PITPNM2: variants seen among roughly 807,000 people sequenced by gnomAD.
The protein encoded by PITPNM2 is phosphatidylinositol transfer protein membrane associated 2.
A neutral mutation model predicts 132.2 loss-of-function variants in PITPNM2; 35 were observed. The ratio of observed to expected loss-of-function variants is 0.26; its 90% confidence interval spans 0.20 to 0.35. The LOEUF (loss-of-function observed/expected upper bound fraction) is 0.35. Ranked by LOEUF, PITPNM2 falls within the 10% of genes least tolerant of loss-of-function variation. The pLI is 1.00. For missense variants in PITPNM2, 1,332 were observed against 1,912.0 expected, an observed-to-expected ratio of 0.70 and a Z score of 5.66; for synonymous variants, 738 against 799.2, an observed-to-expected ratio of 0.92 and a Z score of 1.29.
chr12:122,988,701 G>T (rs761272149), intron 19 of PITPNM2, 23 bp downstream of exon 19: 1 of 1,547,494 alleles, frequency 6.5e-7, no homozygotes, highest in South Asian at 1.2e-5. Context: ...GGGCCCTCCT[G>T]GGAGGTCCCA....
At chr12:122,987,735 G>C (rs1029302852) in intron 21 of PITPNM2, 50 bp downstream of exon 21, 4 of 1,612,728 alleles carry the variant, frequency 2.5e-6, no homozygotes, top group Non-Finnish European at 3.4e-6. Flanking sequence ...GAGGGCAGCA[G>C]GGAGCTCCCC....
Position 122,983,631 on chromosome 12 carries a change from C to G in PITPNM2, c.*2396G>C, listed in dbSNP as rs1483825679. On this transcript the variant is annotated 3_prime_UTR_variant, in exon 26 of 26. Coordinates refer to ENST00000320201, the MANE Select transcript of PITPNM2 (RefSeq NM_020845.3). ...GAGAAACAGACGGCACACGGACAGA[C>G]CAGACGGGAGGGGCTGAGACGTGAA... The G allele has an allele frequency of 6.6e-6, 1 of 152,420 alleles. No homozygotes were observed. The highest frequency in any genetic ancestry group is 2.4e-5 in the African/African-American group (1 of 41,436). 9.4% of individuals were successfully genotyped at this position (152,420 alleles called of 1,614,324 possible).
Position 123,064,218 on chromosome 12 carries a change from G to A in PITPNM2, c.-95-29533C>T, listed in dbSNP as rs916828681. On this transcript the variant is annotated intron_variant, in intron 2 of 25. Coordinates refer to ENST00000320201, the MANE Select transcript of PITPNM2 (RefSeq NM_020845.3). This position sits in a 1 kb window ranked among gnomAD's most constrained non-coding sequence, Gnocchi z 4.0. ...CAACGCTGCCAGCAGGCAGACAGAC[G>A]CACTCTCCCCACTCCAAATTGGAAA... is the stretch of plus-strand genomic sequence containing the variant. 1.3e-5 allele frequency among the ~76,000 whole-genome samples: 2 copies of A among 152,196 alleles called. No homozygotes were observed. The highest frequency in any genetic ancestry group is 2.4e-5 in the African/African-American group (1 of 41,442).
At chr12:123,122,305 T>C (rs1011629187) in intron 1 of PITPNM2, among the ~76,000 whole-genome samples, 1 of 151,810 alleles carries the variant, frequency 6.6e-6, no homozygotes, top group Non-Finnish European at 1.5e-5. Flanking sequence ...CCTACTAAAA[T>C]ACAAAAATTA....
rs883263 is a variant in PITPNM2 at position 123,000,641 on chromosome 12, A to G, written c.1224+137T>C. 783,010 of 1,000,078 alleles carry G rather than the reference A, an allele frequency of 0.78. 307,244 individuals carry two copies. The highest frequency in any genetic ancestry group is 0.87 in the East Asian group (33,284 of 38,340). The allele number at this position is 1,000,078 out of a possible 1,614,324, so 62.0% of individuals were successfully genotyped here. On this transcript the variant is annotated intron_variant, in intron 10 of 25. Coordinates refer to ENST00000320201, the MANE Select transcript of PITPNM2 (RefSeq NM_020845.3). This position sits in a 1 kb window ranked among gnomAD's most constrained non-coding sequence, Gnocchi z 5.4. ...AAAAAGGAGGCCCAGGCCTCTCCCCAGACAGTACCCAGGCAGGCGTGGAGG... is the reference window on the plus strand; with the variant it reads ...AAAAAGGAGGCCCAGGCCTCTCCCCGGACAGTACCCAGGCAGGCGTGGAGG...
chr12:123,146,756 T>C (rs2043626955), intron 1 of PITPNM2, among the ~76,000 whole-genome samples: 1 of 151,916 alleles, frequency 6.6e-6, no homozygotes, highest in Non-Finnish European at 1.5e-5. Context: ...AGGAGGTCAA[T>C]GCTCCATACT....
At chr12:123,034,869 A>C (rs1392903121) in intron 2 of PITPNM2, among the ~76,000 whole-genome samples, 184 bp from the exon 3 acceptor site, 1 of 152,146 alleles carries the variant, frequency 6.6e-6, no homozygotes, top group Non-Finnish European at 1.5e-5. Flanking sequence ...TTGTTTGCTA[A>C]CAGCTACCAA....
chr12:123,132,138 T>C (rs765227267), intron 1 of PITPNM2, among the ~76,000 whole-genome samples: 7 of 152,358 alleles, frequency 4.6e-5, no homozygotes, highest in Admixed American at 3.3e-4. Flanking sequence ...GCAGTTGGCA[T>C]CTGCTCTTTG....
intron 1 of PITPNM2, among the ~76,000 whole-genome samples, chr12:123,144,855 A>G (rs1247627093): frequency 2.6e-5 from 4 of 152,210 alleles, no homozygotes; most frequent in Non-Finnish European, 5.9e-5. Flanking sequence ...ATGAGCCACC[A>G]TGCCCGATCT....
At chr12:122,989,740 C>A in intron 18 of PITPNM2, 47 bp downstream of exon 18, 1 of 1,346,698 alleles carries the variant, frequency 7.4e-7, no homozygotes, top group South Asian at 2.3e-5. Context: ...GAGGGGTGCT[C>A]AGCAGCAGAG....
intron 2 of PITPNM2, among the ~76,000 whole-genome samples, chr12:123,052,086 T>TG (rs1007324834): frequency 4.1e-5 from 6 of 147,676 alleles, no homozygotes; most frequent in African/African-American, 1.2e-4. Flanking sequence ...TGTTTTTTTT[T>TG]TTTTTTTTTT....
Position 122,985,764 on chromosome 12 carries a change from G to T in PITPNM2, c.*263C>A, listed in dbSNP as rs1441992241. On this transcript the variant is annotated 3_prime_UTR_variant, in exon 26 of 26. Transcript: ENST00000320201. ...GGCAAAATGTCTGGGAGAACCTCCC[G>T]GGCCAGTCTGAGTGGGAGGTTCTGG... 2.6e-6 allele frequency: 1 copy of T among 388,180 alleles called. No individual in the cohort carries two copies. The allele number at this position is 388,180 out of a possible 1,614,324, so 24.0% of individuals were successfully genotyped here.
At position 122,985,846 on chromosome 12, in the gene PITPNM2, C is replaced by T. The variant is rs765679014; in HGVS notation, c.*181G>A. The T allele has an allele frequency of 2.4e-5, 13 of 542,256 alleles. No individual in the cohort carries two copies. Among genetic ancestry groups the T allele is most frequent in the African/African-American group, 2.2e-4 (11 of 49,986 alleles). The allele number at this position is 542,256 out of a possible 1,614,324, so 33.6% of individuals were successfully genotyped here. A position where few individuals can be genotyped will look rare whatever the true frequency, so the allele number is the denominator to read the frequency against. ...GCCAGCTTCCATGACAAGCCGGACC[C>T]GTCAGGCCCGAGGACGTGAGGCAGG... On this transcript the variant is annotated 3_prime_UTR_variant, in exon 26 of 26. Coordinates refer to ENST00000320201, the MANE Select transcript of PITPNM2 (RefSeq NM_020845.3).
At chr12:123,146,605 T>C (rs2137716718) in intron 1 of PITPNM2, among the ~76,000 whole-genome samples, 1 of 149,462 alleles carries the variant, frequency 6.7e-6, no homozygotes, top group South Asian at 2.1e-4. Flanking sequence ...AAAATAATAA[T>C]AATTTTTAAA....
chr12:123,037,586 G>A (rs1006362285), intron 2 of PITPNM2, among the ~76,000 whole-genome samples: 1 of 152,156 alleles, frequency 6.6e-6, no homozygotes, highest in Non-Finnish European at 1.5e-5. Context: ...GACTCTAAAT[G>A]TTCTTCAGAA....
chr12:123,000,597 C>T lies in PITPNM2; in HGVS notation c.1224+181G>A. On this transcript the variant is annotated intron_variant, in intron 10 of 25. Coordinates refer to ENST00000320201, the MANE Select transcript of PITPNM2 (RefSeq NM_020845.3). This position sits in a 1 kb window ranked among gnomAD's most constrained non-coding sequence, Gnocchi z 5.4. ...CCTCAGAGACAGAGGGCGACAGGCGCCTTCCTAGCAGGGCAGCAAAAAAGG... is the reference window on the plus strand; with the variant it reads ...CCTCAGAGACAGAGGGCGACAGGCGTCTTCCTAGCAGGGCAGCAAAAAAGG... 1 of 700,270 alleles carries T rather than the reference C, an allele frequency of 1.4e-6. No homozygotes were observed. Among genetic ancestry groups the T allele is most frequent in the Non-Finnish European group, 2.5e-6 (1 of 406,914 alleles). 43.4% of individuals were successfully genotyped at this position (700,270 alleles called of 1,614,324 possible). A position where few individuals can be genotyped will look rare whatever the true frequency, so the allele number is the denominator to read the frequency against.
At chr12:123,041,438 C>T (rs562145939) in intron 2 of PITPNM2, among the ~76,000 whole-genome samples, 1 of 152,284 alleles carries the variant, frequency 6.6e-6, no homozygotes, top group Non-Finnish European at 1.5e-5. Context: ...CACGGACCTA[C>T]TGGGGTGAGA....
At position 123,082,692 on chromosome 12, in the gene PITPNM2, T is replaced by C. The variant is rs1279807195; in HGVS notation, c.-96+27693A>G. 1 of 152,260 alleles carries C rather than the reference T, an allele frequency of 6.6e-6. No homozygotes were observed. The highest frequency in any genetic ancestry group is 1.5e-5 in the Non-Finnish European group (1 of 68,094). The allele number at this position is 152,260 out of a possible 1,614,324, so 9.4% of individuals were successfully genotyped here. A position where few individuals can be genotyped will look rare whatever the true frequency, so the allele number is the denominator to read the frequency against. Reference sequence around the variant, plus strand: ...CTCAACTGATCCGCCCGCCTTGGCCTCCCAAAGTGCTGGGATTGCAGGCGT... The same window carrying C: ...CTCAACTGATCCGCCCGCCTTGGCCCCCCAAAGTGCTGGGATTGCAGGCGT... On this transcript the variant is annotated intron_variant, in intron 2 of 25. Coordinates refer to ENST00000320201, the MANE Select transcript of PITPNM2 (RefSeq NM_020845.3). The surrounding 1 kb of genome is among the most constrained non-coding windows in gnomAD (Gnocchi z 5.4).
intron 3 of PITPNM2, among the ~76,000 whole-genome samples, chr12:123,030,282 T>C (rs144794205): frequency 1.3e-5 from 2 of 152,290 alleles, no homozygotes; most frequent in African/African-American, 4.8e-5. Flanking sequence ...CCAGTAGGAA[T>C]GTAAAATGGT....
Sources: allele counts gnomAD v4.1 joint callset (sites outside exome capture counted in the v4.1 genomes callset), GRCh38; gene constraint gnomAD v4.1.1; non-coding constraint Gnocchi (gnomAD v3.1); transcripts MANE v1.5; gene names NCBI Gene and HGNC (gene_info 2026-07-23, HGNC 2026-07-21).